The following MTUS2 variants were observed in gnomAD, a reference collection of about 807,000 sequenced individuals.
MTUS2 encodes microtubule-associated tumor suppressor candidate 2.
MTUS2 carries 40 observed loss-of-function variants against 114.1 expected under a neutral mutation model. The ratio of observed to expected loss-of-function variants is 0.35; its 90% CI spans 0.27 to 0.46. MTUS2 has a LOEUF of 0.46. Ranked by LOEUF, MTUS2 falls within the 20% of genes least tolerant of loss-of-function variation. MTUS2 has a pLI of 1.00. For missense variants in MTUS2, 1,679 were observed against 1,705.4 expected, an observed-to-expected ratio of 0.98 and a Z score of 0.27; for synonymous variants, 688 against 672.0, an observed-to-expected ratio of 1.02 and a Z score of -0.37.
rs950004889 is a variant in MTUS2 at position 29,367,510 on chromosome 13, C to A, written c.3117+8037C>A. Among the ~76,000 whole-genome samples the A allele has an allele frequency of 2.0e-5, 3 of 152,110 alleles. No individual in the cohort carries two copies. The East Asian group carries it at 5.8e-4, about 29-fold the overall frequency. ...CAGCGCTGTGTTTTAGGAAGATTAA[C>A]GCAGTTTGAGATGGATGGCAGCAAG... On this transcript the variant is annotated intron_variant, in intron 8 of 15. Coordinates refer to ENST00000612955, the MANE Select transcript of MTUS2 (RefSeq NM_001033602.4).
At chr13:29,389,480 C>CGT (rs1250131918) in intron 8 of MTUS2, among the ~76,000 whole-genome samples, 2 of 116,348 alleles carry the variant, frequency 1.7e-5, no homozygotes, top group Non-Finnish European at 3.6e-5. Context: ...TATGTATACA[C>CGT]GTGTGTGTAT....
At chr13:29,360,937 C>T (rs1201539408) in intron 8 of MTUS2, among the ~76,000 whole-genome samples, 1 of 152,042 alleles carries the variant, frequency 6.6e-6, no homozygotes, top group Non-Finnish European at 1.5e-5. Flanking sequence ...TCAGAACAAG[C>T]CCTTGATAAA....
chr13:29,223,103 A>AG (rs1401918312), intron 5 of MTUS2, among the ~76,000 whole-genome samples: 3 of 152,180 alleles, frequency 2.0e-5, no homozygotes. Context: ...CTGGGCAGAA[A>AG]GGGGTGGGTC....
At chr13:29,395,755 A>G (rs1278709175) in intron 8 of MTUS2, among the ~76,000 whole-genome samples, 1 of 152,232 alleles carries the variant, frequency 6.6e-6, no homozygotes, top group Non-Finnish European at 1.5e-5. Flanking sequence ...ATGAGAAGAC[A>G]AGAACATAAC....
At chr13:29,000,886 G>A (rs1053410250) in intron 2 of MTUS2, among the ~76,000 whole-genome samples, 10 of 151,888 alleles carry the variant, frequency 6.6e-5, no homozygotes, top group Non-Finnish European at 1.5e-4. Flanking sequence ...TTCCTTCTAC[G>A]CAGCCCACTC....
chr13:29,341,105 A>G (rs1901370915), intron 7 of MTUS2, among the ~76,000 whole-genome samples: 1 of 152,186 alleles, frequency 6.6e-6, no homozygotes, highest in African/African-American at 2.4e-5. Flanking sequence ...CTGCTGCTCT[A>G]CACATGTGTG....
At chr13:28,986,142 A>T (rs1389179827) in intron 2 of MTUS2, among the ~76,000 whole-genome samples, 3 of 151,922 alleles carry the variant, frequency 2.0e-5, no homozygotes, top group African/African-American at 7.3e-5. Context: ...AGCATCTAGG[A>T]TGGCCCAGGC....
At chr13:29,442,147 C>T (rs1299957262) in intron 9 of MTUS2, among the ~76,000 whole-genome samples, 1 of 152,194 alleles carries the variant, frequency 6.6e-6, no homozygotes, top group Admixed American at 6.5e-5. Flanking sequence ...GGTAGAGACC[C>T]TTGGAGATGG....
rs531511427 is a variant in MTUS2 at position 29,441,894 on chromosome 13, T to C, written c.3184+1845T>C. On this transcript the variant is annotated intron_variant, in intron 9 of 15. Transcript: ENST00000612955. ...ATGGAAACTACCTTATCAAAAAGGA[T>C]TTTTTTTAATCAAAAAAATCCTCAC... Among the ~76,000 whole-genome samples, 3 of 151,624 alleles carry C rather than the reference T, an allele frequency of 2.0e-5. No individual in the cohort carries two copies. The South Asian group carries it at 6.3e-4, about 32-fold the overall frequency.
chr13:28,900,724 C>A (rs1495935), intron 2 of MTUS2, among the ~76,000 whole-genome samples: 1 of 152,122 alleles, frequency 6.6e-6, no homozygotes, highest in Non-Finnish European at 1.5e-5. Context: ...AAAGCTGTTA[C>A]GAACATACAT....
At chr13:29,419,296 C>T (rs1010585440) in intron 8 of MTUS2, among the ~76,000 whole-genome samples, 1 of 152,148 alleles carries the variant, frequency 6.6e-6, no homozygotes, top group Non-Finnish European at 1.5e-5. Flanking sequence ...CGTAGTCTTG[C>T]ACAGCATCTG....
chr13:29,125,365 C>T (rs1891470734), intron 5 of MTUS2, among the ~76,000 whole-genome samples: 4 of 152,154 alleles, frequency 2.6e-5, no homozygotes, highest in African/African-American at 9.7e-5. Context: ...TGAGTAGCTG[C>T]TTGAGTCGTT....
At chr13:29,255,235 G>C (rs1227557987) in intron 5 of MTUS2, among the ~76,000 whole-genome samples, 1 of 152,148 alleles carries the variant, frequency 6.6e-6, no homozygotes, top group African/African-American at 2.4e-5. Flanking sequence ...AGAGACGGAA[G>C]GGTTCAGATA....
At chr13:28,877,058 C>T (rs1282181977) in intron 2 of MTUS2, among the ~76,000 whole-genome samples, 2 of 149,870 alleles carry the variant, frequency 1.3e-5, no homozygotes, top group Admixed American at 6.7e-5. Context: ...TTTGGGAGGC[C>T]GAGGTGGGCG....
chr13:29,053,174 C>A (rs548405980), intron 4 of MTUS2, among the ~76,000 whole-genome samples: 1 of 152,200 alleles, frequency 6.6e-6, no homozygotes, highest in East Asian at 1.9e-4. Context: ...ATGAAGATAA[C>A]TAATGTGACT....
chr13:29,108,795 C>T (rs1406935462), intron 5 of MTUS2, among the ~76,000 whole-genome samples: 1 of 149,430 alleles, frequency 6.7e-6, no homozygotes, highest in Non-Finnish European at 1.5e-5. Flanking sequence ...CCTGCAGGTC[C>T]TCTCCAGGCT....
intron 6 of MTUS2, chr13:29,306,947 A>G (rs1899496429): frequency 2.0e-5 from 11 of 545,204 alleles, no homozygotes; most frequent in Non-Finnish European, 3.6e-5. Flanking sequence ...GGCAAATTCC[A>G]TGGCACTGTC....
intron 2 of MTUS2, among the ~76,000 whole-genome samples, chr13:29,019,101 C>G (rs867761527): frequency 6.6e-6 from 1 of 152,084 alleles, no homozygotes; most frequent in African/African-American, 2.4e-5. Context: ...TCTTCACTTT[C>G]ATTTTCTTTA....
Position 29,497,244 on chromosome 13 carries a change from G to T in MTUS2, c.3586G>T (p.Val1196Leu). ...CTTGTATCATTACTTGCAGGACCAG[G>T]TGGACACGCTGACCTTCCAGAGCCA... ...EKLRLSLQDQ[V>L]DTLTFQSQSL... Residue 1196 changes from valine to leucine, a missense_variant, in exon 13 of 16, where the codon GTG becomes TTG. Physicochemically the swap from Val to Leu is conservative, Grantham distance 32. Coordinates refer to ENST00000612955, the MANE Select transcript of MTUS2 (RefSeq NM_001033602.4). The T allele has an allele frequency of 6.2e-7, 1 of 1,612,100 alleles. No individual in the cohort carries two copies. Among genetic ancestry groups the T allele is most frequent in the Non-Finnish European group, 8.5e-7 (1 of 1,179,854 alleles).
Sources: gnomAD v4.1 joint callset for allele counts (sites outside exome capture counted in the v4.1 genomes callset) on GRCh38, gnomAD v4.1.1 for gene constraint, MANE v1.5 for transcripts, NCBI Gene and HGNC (gene_info 2026-07-23, HGNC 2026-07-21) for gene names.